HEATR5A: variants seen among roughly 807,000 people sequenced by gnomAD.
The protein encoded by HEATR5A is HEAT repeat containing 5A.
A neutral mutation model predicts 218.8 loss-of-function variants in HEATR5A; 178 were observed. The ratio of observed to expected loss-of-function variants is 0.81; its 90% confidence interval spans 0.72 to 0.92. The LOEUF (loss-of-function observed/expected upper bound fraction) is 0.92. HEATR5A is among the 40% of genes least tolerant of loss of function. The probability of loss-of-function intolerance (pLI) is 0.00; values close to 1 mark genes in which losing one functional copy is unlikely to be tolerated. For missense variants in HEATR5A, 2,420 were observed against 2,418.9 expected (o/e 1.00, Z -0.01); for synonymous variants, 864 against 871.6 (o/e 0.99, Z 0.15).
rs758891094 is a variant in HEATR5A at position 31,387,113 on chromosome 14, T to C, written c.1189+7A>G. 6 of 1,613,880 alleles carry C rather than the reference T, an allele frequency of 3.7e-6. No homozygotes were observed. The highest frequency in any genetic ancestry group is 5.1e-6 in the Non-Finnish European group (6 of 1,179,806). ...GTTAAACAAACTGTCTTAGTAGAGA[T>C]CCATACCCATAACTTTCTTTAGCTT... On this transcript the variant is annotated splice_region_variant and intron_variant, in intron 8 of 35. Coordinates refer to ENST00000543095, the MANE Select transcript of HEATR5A (RefSeq NM_015473.4).
At chr14:31,350,563 A>AT in intron 17 of HEATR5A, 49 bp downstream of exon 17, 1 of 1,066,060 alleles carries the variant, frequency 9.4e-7, no homozygotes, top group Non-Finnish European at 1.4e-6. Flanking sequence ...TTGGCTACAA[A>AT]TTTTTTAAAA....
intron 11 of HEATR5A, among the ~76,000 whole-genome samples, chr14:31,375,654 A>G (rs914426979): frequency 2.0e-5 from 3 of 152,066 alleles, no homozygotes; most frequent in Non-Finnish European, 4.4e-5. Context: ...CACCCACTTC[A>G]GCCTCCCAAA....
chr14:31,383,498 T>C (rs1456808068), intron 10 of HEATR5A, 23 bp downstream of exon 10: 7 of 1,598,858 alleles, frequency 4.4e-6, no homozygotes, highest in African/African-American at 4.0e-5. Flanking sequence ...CTCATTATCA[T>C]ACATAGAGAA....
chr14:31,335,960 G>A (rs1384745425), intron 22 of HEATR5A, among the ~76,000 whole-genome samples: 2 of 119,330 alleles, frequency 1.7e-5, no homozygotes, highest in African/African-American at 6.2e-5. Context: ...CAGCCAGGGT[G>A]TAAGATAATT....
chr14:31,356,661 T>A (rs2139227616), intron 16 of HEATR5A, among the ~76,000 whole-genome samples: 1 of 152,300 alleles, frequency 6.6e-6, no homozygotes, highest in East Asian at 1.9e-4. Context: ...AAATCTCCCC[T>A]TCCTTGAATA....
At chr14:31,381,045 G>A (rs143216698) in intron 10 of HEATR5A, among the ~76,000 whole-genome samples, 2,385 of 152,138 alleles carry the variant, frequency 0.016, 56 homozygotes, top group African/African-American at 0.054. Context: ...TCAGGAGATC[G>A]AGACCATCCT....
chr14:31,368,695 CTATTTATTTATTTATTTATTTATT>C (rs71708210), intron 13 of HEATR5A, among the ~76,000 whole-genome samples: 82 of 130,706 alleles, frequency 6.3e-4, no homozygotes, highest in African/African-American at 2.2e-3. Context: ...ACATCTGACT[CTATTTATTTATTTATTTATTTATT>C]TATTTATTTA....
At chr14:31,347,013 T>A (rs143953887) in intron 19 of HEATR5A, among the ~76,000 whole-genome samples, 1 of 152,346 alleles carries the variant, frequency 6.6e-6, no homozygotes, top group African/African-American at 2.4e-5. Context: ...TCTGATTCCA[T>A]GATTTATTAG....
chr14:31,293,309 A>T lies in HEATR5A; in HGVS notation c.6137T>A (p.Leu2046His), dbSNP rs1283673783. The T allele has an allele frequency of 8.3e-6, 13 of 1,575,592 alleles. No individual in the cohort carries two copies. Among genetic ancestry groups the T allele is most frequent in the East Asian group, 2.2e-5 (1 of 44,658 alleles). ...CTTACTATTCCAAAAAAAAAATCAG[A>T]GGAAACTGGTCTTTAATTGGATGCT... Reference protein sequence around the residue: ...NSSIQLKTSFL With the variant: ...NSSIQLKTSFH Residue 2046 changes from leucine (L) to histidine (H), a missense_variant, in exon 36 of 36, where the codon CTC becomes CAC. Physicochemically the swap from Leu to His is moderately conservative, Grantham distance 99 (BLOSUM62 -3). Transcript: ENST00000543095.
rs146705835 is a variant in HEATR5A at position 31,404,385 on chromosome 14, TAG to T, written c.-74-1338_-74-1337del. Among the ~76,000 whole-genome samples, 1,517 of 152,336 alleles carry T rather than the reference TAG, an allele frequency of 1.0e-2. 25 individuals carry two copies. Among genetic ancestry groups the T allele is most frequent in the African/African-American group, 0.035 (1,436 of 41,586 alleles). ...GAGAAGCCAGTAACTAAAGAGGTAT[TAG>T]AAAATTAGATGACAGACTTGGGAAA... On this transcript the variant is annotated intron_variant, in intron 1 of 35. Transcript: ENST00000543095.
chr14:31,320,100 CTTTATTTA>C (rs578252611), intron 25 of HEATR5A: 22 of 220,408 alleles, frequency 1.0e-4, no homozygotes, highest in South Asian at 2.8e-4. Context: ...GAAAATTAAC[CTTTATTTA>C]TTTATTTATT....
intron 17 of HEATR5A, 117 bp from the exon 18 acceptor site, chr14:31,350,096 AAAAC>A (rs1221291874): frequency 1.7e-6 from 1 of 579,480 alleles, no homozygotes. Context: ...TTACTACTTA[AAAAC>A]AAATAAGAAC....
intron 33 of HEATR5A, 107 bp from the exon 34 acceptor site, chr14:31,296,170 A>C: frequency 1.3e-6 from 1 of 772,820 alleles, no homozygotes. Flanking sequence ...CAACAGATAC[A>C]CACAATGAAC....
Position 31,398,757 on chromosome 14 carries a change from G to A in HEATR5A, c.363C>T (p.Ser121=). 1.3e-6 allele frequency: 2 copies of A among 1,530,458 alleles called. No homozygotes were observed. The highest frequency in any genetic ancestry group is 1.2e-5 in the South Asian group (1 of 83,858). The allele number at this position is 1,530,458 out of a possible 1,614,324, so 94.8% of individuals were successfully genotyped here. Residue 121 remains serine, a synonymous_variant, in exon 4 of 36, where the codon TCC becomes TCT. Coordinates refer to ENST00000543095, the MANE Select transcript of HEATR5A (RefSeq NM_015473.4). ...TKLAAVVCLG[S]LYKKLGRILG... is the part of the protein sequence containing the mutation. Reference sequence around the variant, plus strand: ...GTATTCTACCCAACTTCTTGTACAAGGAACCCAAACATACCACAGCAGCAC... The same window carrying A: ...GTATTCTACCCAACTTCTTGTACAAAGAACCCAAACATACCACAGCAGCAC...
At chr14:31,372,999 T>G (rs1018088899) in intron 12 of HEATR5A, among the ~76,000 whole-genome samples, 1 of 147,854 alleles carries the variant, frequency 6.8e-6, no homozygotes, top group Non-Finnish European at 1.5e-5. Flanking sequence ...AATACAGTGG[T>G]GCAACCACAA....
intron 20 of HEATR5A, among the ~76,000 whole-genome samples, chr14:31,344,396 G>A (rs1003791743): frequency 4.0e-5 from 6 of 148,526 alleles, no homozygotes; most frequent in Admixed American, 2.1e-4. Flanking sequence ...TCCTGCCTCC[G>A]GTCTCCCGAG....
At chr14:31,297,710 G>C (rs1012670678) in intron 33 of HEATR5A, 1 of 151,940 alleles carries the variant, frequency 6.6e-6, no homozygotes, top group African/African-American at 2.4e-5. Flanking sequence ...TTAACATGTA[G>C]CACTGTTATA....
At chr14:31,322,161 G>A (rs1400001382) in intron 24 of HEATR5A, among the ~76,000 whole-genome samples, 2 of 152,254 alleles carry the variant, frequency 1.3e-5, no homozygotes, top group South Asian at 2.1e-4. Context: ...AATGGTGGGA[G>A]TATAAAAAAC....
Position 31,293,143 on chromosome 14 carries a change from A to C in HEATR5A, c.*162T>G. The C allele has an allele frequency of 1.9e-6, 1 of 527,560 alleles. No individual in the cohort carries two copies. The highest frequency in any genetic ancestry group is 3.2e-6 in the Non-Finnish European group (1 of 308,214). 32.7% of individuals were successfully genotyped at this position (527,560 alleles called of 1,614,324 possible). A position where few individuals can be genotyped will look rare whatever the true frequency, so the allele number is the denominator to read the frequency against. On this transcript the variant is annotated 3_prime_UTR_variant, in exon 36 of 36. Transcript: ENST00000543095. ...AAACACAAACCCCACGCACACACAC[A>C]AAAATGTTAAGTATGCTGTTACTTT...
Sources: gnomAD v4.1 joint callset for allele counts (sites outside exome capture counted in the v4.1 genomes callset) on GRCh38, gnomAD v4.1.1 for gene constraint, MANE v1.5 for transcripts, NCBI Gene and HGNC (gene_info 2026-07-23, HGNC 2026-07-21) for gene names.